Variants in SASH1 observed in about 807,000 individuals in gnomAD.
SASH1 encodes the protein SAM and SH3 domain containing 1.
In SASH1, 44 loss-of-function variants were observed where a neutral mutation model predicts 125.2. That is an observed-to-expected ratio of 0.35 (90% CI 0.28 to 0.45). The LOEUF (loss-of-function observed/expected upper bound fraction) is 0.45. SASH1 is among the 20% of genes least tolerant of loss of function. The pLI, the probability that SASH1 is intolerant of heterozygous loss-of-function variation, is 1.00. For missense variants in SASH1, 1,426 were observed against 1,614.5 expected (o/e 0.88, Z 2.00); for synonymous variants, 639 against 649.1 (o/e 0.98, Z 0.24).
intron 2 of SASH1, among the ~76,000 whole-genome samples, chr6:148,424,311 CT>C (rs1406671512): frequency 2.0e-5 from 3 of 151,456 alleles, no homozygotes; most frequent in African/African-American, 7.3e-5. Context: ...GCAATCTCAG[CT>C]TACTGTGGGT....
In SASH1 at chr6:148,305,641, A is replaced by AAAAG. The variant is rs1554232119; in HGVS notation, n.74+33280_74+33283dup. Among the ~76,000 whole-genome samples the AAAAG allele has an allele frequency of 7.2e-3, 955 of 132,976 alleles. 15 individuals are homozygous for AAAAG. Among genetic ancestry groups the AAAAG allele is most frequent in the Non-Finnish European group, 9.5e-3 (581 of 61,408 alleles). The allele number at this position is 132,976 out of a possible 152,430, so 87.2% of individuals were successfully genotyped here. ...TCTGACTCAAAAAAAAAAAAAAAAA[A>AAAAG]AAAGAAAGAAAGAAAGAAAAGAAAA... On this transcript the variant is annotated intron_variant and non_coding_transcript_variant, in intron 1 of 3. Coordinates refer to the SASH1 transcript ENST00000367469.
the SASH1 span, among the ~76,000 whole-genome samples, chr6:148,203,122 C>G: frequency 6.6e-6 from 1 of 152,140 alleles, no homozygotes; most frequent in African/African-American, 2.4e-5. Context: ...TTGAAACATT[C>G]CAAATAAAAT....
chr6:148,280,415 AC>A (rs2128505398), intron 1 of SASH1: 1 of 152,178 alleles, frequency 6.6e-6, no homozygotes, highest in South Asian at 2.1e-4. Context: ...AATAACACTC[AC>A]CTTGCAGGGA....
At chr6:148,447,065 T>C (rs570298402) in intron 4 of SASH1, among the ~76,000 whole-genome samples, 1 of 152,322 alleles carries the variant, frequency 6.6e-6, no homozygotes, top group East Asian at 1.9e-4. Context: ...CATCCAGATA[T>C]AAGCTAGGTC....
At chr6:148,447,840 G>T (rs1023214511) in intron 4 of SASH1, among the ~76,000 whole-genome samples, 4 of 152,008 alleles carry the variant, frequency 2.6e-5, no homozygotes, top group Non-Finnish European at 5.9e-5. Context: ...AGCAAAAGCC[G>T]CTGCAGTTTC....
At chr6:148,405,881 G>C (rs1784350706) in intron 2 of SASH1, among the ~76,000 whole-genome samples, 1 of 152,190 alleles carries the variant, frequency 6.6e-6, no homozygotes, top group Non-Finnish European at 1.5e-5. Flanking sequence ...CTGGGAATGT[G>C]TCTTCTTTTG....
At chr6:148,362,766 T>C (rs1782288840) in intron 1 of SASH1, among the ~76,000 whole-genome samples, 1 of 152,066 alleles carries the variant, frequency 6.6e-6, no homozygotes, top group East Asian at 1.9e-4. Context: ...GAGGATCACC[T>C]TAGCCCAGGA....
chr6:148,326,375 C>CTTTCT (rs1562326335), intron 1 of SASH1, among the ~76,000 whole-genome samples: 1 of 12,386 alleles, frequency 8.1e-5, no homozygotes, highest in African/African-American at 2.7e-4. Flanking sequence ...TATATATATA[C>CTTTCT]ATTCTTTTCT....
Position 148,345,152 on chromosome 6 carries a change from A to G in SASH1, c.156+1929A>G, listed in dbSNP as rs1249300754. Among the ~76,000 whole-genome samples the G allele has an allele frequency of 5.3e-5, 8 of 151,654 alleles. No homozygotes were observed. In the East Asian group the frequency reaches 1.6e-3, roughly 29 times the overall value. On this transcript the variant is annotated intron_variant, in intron 1 of 19. Transcript: ENST00000367467. The stretch of plus-strand genomic sequence containing the variant: ...TTGATAATATCCCATTGTATCCCTT[A>G]CTCTAGGGCGTTGGGCTGGGGGCGG...
intron 1 of SASH1, among the ~76,000 whole-genome samples, chr6:148,363,307 A>T (rs915063139): frequency 2.7e-5 from 4 of 150,836 alleles, no homozygotes; most frequent in Non-Finnish European, 5.9e-5. Flanking sequence ...TATTTTTTTT[A>T]TTTATTTATT....
At chr6:148,539,862 T>C (rs1782111910) in intron 16 of SASH1, among the ~76,000 whole-genome samples, 1 of 152,164 alleles carries the variant, frequency 6.6e-6, no homozygotes, top group Non-Finnish European at 1.5e-5. Flanking sequence ...TTGCCAGCCT[T>C]ACTCTTGCTG....
Position 148,549,065 on chromosome 6 carries a change from GAAA to G in SASH1, c.*522_*524del, listed in dbSNP as rs5880793. Reference sequence around the variant, plus strand: ...AAGTTAGAACATCTGGCTGCACCAGGAAAAAAAAAAAAAAAAAGTCCTGTTCTT... The same window carrying G: ...AAGTTAGAACATCTGGCTGCACCAGGAAAAAAAAAAAAAAGTCCTGTTCTT... On this transcript the variant is annotated 3_prime_UTR_variant, in exon 20 of 20. Transcript: ENST00000367467. The G allele has an allele frequency of 1.2e-4, 15 of 130,216 alleles. No homozygotes were observed. Among genetic ancestry groups the G allele is most frequent in the East Asian group, 4.8e-4 (2 of 4,128 alleles). 8.1% of individuals were successfully genotyped at this position (130,216 alleles called of 1,614,324 possible). A position where few individuals can be genotyped will look rare whatever the true frequency, so the allele number is the denominator to read the frequency against.
At chr6:148,461,637 A>G (rs1440840043) in intron 4 of SASH1, among the ~76,000 whole-genome samples, 1 of 152,158 alleles carries the variant, frequency 6.6e-6, no homozygotes. Flanking sequence ...ACCTCTTACA[A>G]CTTGGGCTAT....
chr6:148,406,993 G>A (rs775893227), intron 2 of SASH1, among the ~76,000 whole-genome samples: 17 of 152,314 alleles, frequency 1.1e-4, no homozygotes, highest in Non-Finnish European at 2.1e-4. Context: ...GGCAGGAGTG[G>A]TATAGAGGAG....
chr6:148,380,697 C>T (rs1308791892), intron 1 of SASH1, among the ~76,000 whole-genome samples: 2 of 152,226 alleles, frequency 1.3e-5, no homozygotes. Context: ...ATTCTTTTCT[C>T]CACATTTTCA....
chr6:148,222,323 T>C, the SASH1 span, among the ~76,000 whole-genome samples: 3 of 152,200 alleles, frequency 2.0e-5, no homozygotes, highest in South Asian at 4.1e-4. Flanking sequence ...CTTGCCTTAA[T>C]TAAAACTATT....
intron 1 of SASH1, among the ~76,000 whole-genome samples, chr6:148,385,014 A>G (rs1427958349): frequency 9.9e-5 from 15 of 152,208 alleles, no homozygotes; most frequent in Non-Finnish European, 5.9e-5. Flanking sequence ...ATGGCAGACA[A>G]GACCCACTCT....
At position 148,453,594 on chromosome 6, in the gene SASH1, A is replaced by G. The variant is rs115839604; in HGVS notation, c.386+13187A>G. Among the ~76,000 whole-genome samples, 484 of 152,230 alleles carry G rather than the reference A, an allele frequency of 3.2e-3. 3 individuals carry two copies. The highest frequency in any genetic ancestry group is 0.011 in the African/African-American group (447 of 41,532). ...CAGACTGCTTCTCATCCACCCAACT[A>G]CAGGTACAATCAAAGACTGGGGTGC... On this transcript the variant is annotated intron_variant, in intron 4 of 19. Transcript: ENST00000367467.
At chr6:148,220,971 A>G in the SASH1 span, among the ~76,000 whole-genome samples, 60 of 152,346 alleles carry the variant, frequency 3.9e-4, no homozygotes, top group African/African-American at 1.4e-3. Flanking sequence ...ATTTCTGCAT[A>G]GTTCATCATT....
Sources: allele counts gnomAD v4.1 joint callset (sites outside exome capture counted in the v4.1 genomes callset), GRCh38; gene constraint gnomAD v4.1.1; transcripts MANE v1.5; gene names NCBI Gene and HGNC (gene_info 2026-07-23, HGNC 2026-07-21).